NUDC: variants seen among roughly 807,000 people sequenced by gnomAD.
NUDC encodes nuclear distribution C, dynein complex regulator, also known as nuclear migration protein nudC.
A neutral mutation model predicts 45.0 loss-of-function variants in NUDC; 14 were observed. The ratio of observed to expected loss-of-function variants is 0.31; its 90% CI spans 0.21 to 0.49. The LOEUF is 0.49. NUDC is among the 20% of genes least tolerant of loss of function. The pLI is 0.99. For missense variants in NUDC, 323 were observed against 426.2 expected (o/e 0.76, Z 2.13); for synonymous variants, 153 against 156.7 (o/e 0.98, Z 0.17).
chr1:26,920,610 TG>T (rs1222296281), upstream of NUDC, among the ~76,000 whole-genome samples: 2 of 148,218 alleles, frequency 1.3e-5, no homozygotes, highest in Non-Finnish European at 3.0e-5. Context: ...CAGAAGAAAG[TG>T]GGGCCATGGA....
intron 8 of NUDC, 38 bp from the exon 9 acceptor site, chr1:26,946,092 G>A (rs542074996): frequency 2.5e-6 from 4 of 1,596,888 alleles, no homozygotes; most frequent in East Asian, 2.2e-5. Context: ...CTTTAGAAGA[G>A]AAGGATGAGC....
upstream of NUDC, among the ~76,000 whole-genome samples, chr1:26,919,862 GA>G (rs553653549): frequency 8.6e-5 from 13 of 151,370 alleles, no homozygotes; most frequent in African/African-American, 1.5e-4. Context: ...CATGTTAAAA[GA>G]AAAAAAAATA....
intron 2 of NUDC, among the ~76,000 whole-genome samples, chr1:26,941,075 C>A (rs2082272424): frequency 6.7e-6 from 1 of 150,002 alleles, no homozygotes; most frequent in African/African-American, 2.4e-5. Flanking sequence ...GCCCCCGCCA[C>A]CATGCCCAGC....
intron 2 of NUDC, among the ~76,000 whole-genome samples, chr1:26,908,666 T>C (rs1415960278): frequency 6.6e-6 from 1 of 152,066 alleles, no homozygotes; most frequent in African/African-American, 2.4e-5. Flanking sequence ...CAAGTGATCC[T>C]CCCACTTCAG....
At chr1:26,941,341 G>C (rs2082274430) in intron 2 of NUDC, 116 bp from the exon 3 acceptor site, 2 of 1,025,702 alleles carry the variant, frequency 1.9e-6, no homozygotes, top group Admixed American at 4.3e-5. Flanking sequence ...AGGAAACCGA[G>C]TTTCTGGGTG....
Position 26,942,949 on chromosome 1 carries a change from G to C in NUDC, c.625G>C (p.Val209Leu). ...VVDIQRRHLR[V>L]GLKGQPAIID... is the part of the protein sequence containing the mutation. ...GGACATCCAGCGGCGGCACCTCCGG[G>C]TGGGGCTCAAGGGGCAGCCAGCGAT... The change falls in exon 6 of 9, where the codon GTG becomes CTG. Residue 209 changes from valine to leucine, a missense_variant. Around this residue, in one of 3 missense-constraint regions of NUDC, gnomAD observed 245 missense variants for 278.8 expected, o/e 0.88. Coordinates refer to ENST00000321265, the MANE Select transcript of NUDC (RefSeq NM_006600.4). 1 of 1,614,144 alleles carries C rather than the reference G, an allele frequency of 6.2e-7. No individual in the cohort carries two copies. Among genetic ancestry groups the C allele is most frequent in the Non-Finnish European group, 8.5e-7 (1 of 1,180,042 alleles).
chr1:26,933,336 C>CT (rs1264587137), intron 2 of NUDC, among the ~76,000 whole-genome samples: 1 of 152,108 alleles, frequency 6.6e-6, no homozygotes, highest in Non-Finnish European at 1.5e-5. Context: ...GTGCACAAAT[C>CT]TTTTGAGATT....
chr1:26,933,777 C>T (rs2082202867), intron 2 of NUDC, among the ~76,000 whole-genome samples: 1 of 152,152 alleles, frequency 6.6e-6, no homozygotes, highest in Non-Finnish European at 1.5e-5. Context: ...TTTGACACTA[C>T]CACTAATAGT....
chr1:26,943,735 TC>T (rs1378982779), intron 6 of NUDC, among the ~76,000 whole-genome samples: 1 of 152,090 alleles, frequency 6.6e-6, no homozygotes, highest in African/African-American at 2.4e-5. Flanking sequence ...AAGCCTTCAT[TC>T]TCAACCTCAC....
At chr1:26,939,614 A>G (rs1056475522) in intron 2 of NUDC, among the ~76,000 whole-genome samples, 4 of 152,108 alleles carry the variant, frequency 2.6e-5, no homozygotes, top group African/African-American at 9.7e-5. Context: ...AATAATAATA[A>G]TAACAAGATA....
At chr1:26,931,596 C>T (rs865835986) in intron 2 of NUDC, among the ~76,000 whole-genome samples, 46 of 149,642 alleles carry the variant, frequency 3.1e-4, no homozygotes, top group South Asian at 6.4e-4. Context: ...CTGGCCAACG[C>T]GGTGAAACCC....
chr1:26,945,320 A>C, intron 6 of NUDC, 70 bp from the exon 7 acceptor site: 1 of 1,315,540 alleles, frequency 7.6e-7, no homozygotes, highest in Non-Finnish European at 1.1e-6. Context: ...TTTGGTTGTG[A>C]AAGGGTTAAG....
At chr1:26,915,250 C>T (rs2082056513) in intron 3 of NUDC, among the ~76,000 whole-genome samples, 1 of 152,010 alleles carries the variant, frequency 6.6e-6, no homozygotes, top group Non-Finnish European at 1.5e-5. Context: ...TGCCTGACTC[C>T]AAAGTCCTTG....
rs2081991193 is a variant in NUDC, at chr1:26,903,921, G to T, written c.-16+1555G>T. Among the ~76,000 whole-genome samples the T allele has an allele frequency of 4.0e-5, 6 of 151,450 alleles. No individual in the cohort carries two copies. In the South Asian group the frequency reaches 1.0e-3, roughly 26 times the overall value. The stretch of plus-strand genomic sequence containing the variant: ...AGCTACTCGGGAGGCTGAGGCAGGA[G>T]AATGGTGTGAACCCGGGAGGCGGAG... On this transcript the variant is annotated intron_variant, in intron 2 of 6. Transcript: ENST00000435827.
intron 3 of NUDC, among the ~76,000 whole-genome samples, chr1:26,916,431 AC>A (rs763000574): frequency 1.7e-4 from 26 of 151,746 alleles, no homozygotes; most frequent in Non-Finnish European, 3.5e-4. Context: ...CTCCCCTTAG[AC>A]CCTGAATATT....
At chr1:26,911,207 T>C (rs1377602695) in exon 3 of NUDC, 3 of 467,874 alleles carry the variant, frequency 6.4e-6, no homozygotes, top group Non-Finnish European at 1.3e-5. Flanking sequence ...GGCTGCTTCC[T>C]GATTGGCTGT....
At chr1:26,930,124 C>T (rs977238780) in intron 2 of NUDC, among the ~76,000 whole-genome samples, 1 of 152,200 alleles carries the variant, frequency 6.6e-6, no homozygotes, top group Non-Finnish European at 1.5e-5. Flanking sequence ...CAGAGATCCA[C>T]ATCCAGTCAG....
At chr1:26,930,233 C>T (rs1245676918) in intron 2 of NUDC, among the ~76,000 whole-genome samples, 2 of 152,252 alleles carry the variant, frequency 1.3e-5, no homozygotes, top group African/African-American at 2.4e-5. Flanking sequence ...TCCAGTAGTG[C>T]GATCATGATT....
rs112138561 is a variant in NUDC, at chr1:26,923,901, T to G, written c.82-188T>G. On this transcript the variant is annotated intron_variant, in intron 1 of 8. Transcript: ENST00000321265. ...GAAAGGCGCACACACACACAGGATA[T>G]GAGAAATCTGCTTCATGGTGGAAGT... 8.3e-3 allele frequency among the ~76,000 whole-genome samples: 1,262 copies of G among 152,150 alleles called. 25 individuals carry two copies. Among genetic ancestry groups the G allele is most frequent in the African/African-American group, 0.029 (1,210 of 41,498 alleles).
Sources: allele counts gnomAD v4.1 joint callset (sites outside exome capture counted in the v4.1 genomes callset), GRCh38; gene constraint gnomAD v4.1.1; regional missense constraint gnomAD v4.1.1; transcripts MANE v1.5; gene names NCBI Gene and HGNC (gene_info 2026-07-23, HGNC 2026-07-21).